The following ANXA8 variants were observed in gnomAD, a reference collection of about 807,000 sequenced individuals.
The protein encoded by ANXA8 is VAC-beta.
A neutral mutation model predicts 26.8 loss-of-function variants in ANXA8; 9 were observed. That is an observed-to-expected ratio of 0.34 (90% confidence interval 0.20 to 0.59). The LOEUF (loss-of-function observed/expected upper bound fraction) is 0.59, where lower values mean the gene tolerates loss of function less well. Among genes scored for constraint, ANXA8 ranks in the 20% least tolerant of loss-of-function variants. The pLI, the probability that ANXA8 is intolerant of heterozygous loss-of-function variation, is 0.84. For missense variants in ANXA8, 83 were observed against 238.5 expected, an observed-to-expected ratio of 0.35 and a Z score of 4.29; for synonymous variants, 39 against 94.8, an observed-to-expected ratio of 0.41 and a Z score of 3.42.
chr10:47,484,763 T>C, upstream of ANXA8: 1 of 661,452 alleles, frequency 1.5e-6, no homozygotes, highest in Non-Finnish European at 2.4e-6. Flanking sequence ...TCATATTGCT[T>C]TGTGGTGTTC....
the ANXA8 span, chr10:47,987,005 C>T: frequency 3.7e-6 from 2 of 542,150 alleles, no homozygotes; most frequent in South Asian, 1.6e-5. Context: ...CTGATGTGAA[C>T]ACAGCCCGGG....
At chr10:47,959,886 C>G in the ANXA8 span, among the ~76,000 whole-genome samples, 2 of 151,580 alleles carry the variant, frequency 1.3e-5, no homozygotes, top group Admixed American at 1.3e-4. Context: ...CACTTCCTGC[C>G]TTTCTGATCC....
chr10:47,533,365 C>G, the ANXA8 span, among the ~76,000 whole-genome samples: 299 of 150,856 alleles, frequency 2.0e-3, no homozygotes, highest in East Asian at 0.012. Flanking sequence ...ACTGTCTGAT[C>G]CTGGTCCAGT....
At chr10:47,590,578 T>G in the ANXA8 span, among the ~76,000 whole-genome samples, 1 of 146,418 alleles carries the variant, frequency 6.8e-6, no homozygotes, top group Non-Finnish European at 1.5e-5. Flanking sequence ...TAATTAAAAC[T>G]ATTAACAACA....
the ANXA8 span, among the ~76,000 whole-genome samples, chr10:47,513,043 TA>T: frequency 2.3e-5 from 3 of 132,990 alleles, 1 homozygote; most frequent in African/African-American, 9.4e-5. Context: ...ATCTTTTTTT[TA>T]TTTTTTGAGA....
the ANXA8 span, among the ~76,000 whole-genome samples, chr10:47,892,537 C>A: frequency 6.8e-6 from 1 of 147,272 alleles, no homozygotes; most frequent in Non-Finnish European, 1.5e-5. Flanking sequence ...CAGGCTTCTG[C>A]ATAGGTGAGT....
the ANXA8 span, among the ~76,000 whole-genome samples, chr10:47,618,565 T>C: frequency 1.7e-5 from 2 of 114,502 alleles, no homozygotes; most frequent in African/African-American, 6.8e-5. Context: ...TCTTGAACCA[T>C]ACATGTTTAT....
At chr10:47,610,721 A>T in the ANXA8 span, among the ~76,000 whole-genome samples, 1 of 150,390 alleles carries the variant, frequency 6.6e-6, no homozygotes, top group East Asian at 1.9e-4. Flanking sequence ...AAATAAATAA[A>T]TAACTTTTAT....
the ANXA8 span, among the ~76,000 whole-genome samples, chr10:47,932,734 C>CTT: frequency 2.2e-5 from 2 of 92,400 alleles, no homozygotes; most frequent in Non-Finnish European, 4.0e-5. Context: ...GTCTTTCTGT[C>CTT]TCTCTCTCTC....
chr10:47,511,037 G>T, the ANXA8 span, among the ~76,000 whole-genome samples: 2 of 126,050 alleles, frequency 1.6e-5, no homozygotes, highest in African/African-American at 6.4e-5. Flanking sequence ...TCCGCCTCCC[G>T]GGTTCACGCC....
chr10:47,686,225 CTTTT>C, the ANXA8 span, among the ~76,000 whole-genome samples: 44 of 122,922 alleles, frequency 3.6e-4, no homozygotes, highest in African/African-American at 1.3e-3. Context: ...GCTCCTATCA[CTTTT>C]TTTTTTTTTT....
chr10:47,644,731 AG>A, the ANXA8 span, among the ~76,000 whole-genome samples: 27 of 151,434 alleles, frequency 1.8e-4, no homozygotes, highest in African/African-American at 6.6e-4. Context: ...ACATCTATAT[AG>A]GTTTTTATTT....
chr10:47,598,885 T>C, the ANXA8 span, among the ~76,000 whole-genome samples: 1,344 of 135,638 alleles, frequency 9.9e-3, no homozygotes, highest in African/African-American at 0.034. Flanking sequence ...ATGCTTAATC[T>C]AAAATAAATA....
chr10:47,976,539 G>C, the ANXA8 span, among the ~76,000 whole-genome samples: 18,012 of 117,878 alleles, frequency 0.15, 1,018 homozygotes, highest in South Asian at 0.31. Context: ...GACAACCTCT[G>C]TCTTTACACA....
Position 47,484,065 on chromosome 10 carries a change from C to A in ANXA8, c.-132G>T. On this transcript the variant is annotated 5_prime_UTR_variant, in exon 1 of 12. Coordinates refer to ENST00000585281, the MANE Select transcript of ANXA8 (RefSeq NM_001040084.3). ...CTCACTTGGGTGTGGGGGTGCAAGC[C>A]CGCCCAGGGCAGCGCCACACCTGCC... 1 of 1,608,054 alleles carries A rather than the reference C, an allele frequency of 6.2e-7. No individual in the cohort carries two copies. Among genetic ancestry groups the A allele is most frequent in the Non-Finnish European group, 8.5e-7 (1 of 1,176,954 alleles).
chr10:47,502,525 A>G, the ANXA8 span: 1 of 1,613,014 alleles, frequency 6.2e-7, no homozygotes, highest in Non-Finnish European at 8.5e-7. Context: ...CTCATTGCCA[A>G]TAGATGACAT....
the ANXA8 span, among the ~76,000 whole-genome samples, chr10:47,676,735 T>G: frequency 6.6e-6 from 1 of 151,034 alleles, no homozygotes; most frequent in African/African-American, 2.5e-5. Context: ...CTGGCCAACA[T>G]GGTGAAACTG....
chr10:47,602,866 TTTGC>T, the ANXA8 span, among the ~76,000 whole-genome samples: 40 of 13,436 alleles, frequency 3.0e-3, no homozygotes, highest in Non-Finnish European at 3.3e-3. Context: ...TTGCTGTTTG[TTTGC>T]TTGCTTGCTT....
chr10:47,684,905 C>A, the ANXA8 span, among the ~76,000 whole-genome samples: 1 of 149,518 alleles, frequency 6.7e-6, no homozygotes, highest in African/African-American at 2.5e-5. Context: ...TTTTTTTAAG[C>A]TCATTAGCTA....
Sources: gnomAD v4.1 joint callset for allele counts (sites outside exome capture counted in the v4.1 genomes callset) on GRCh38, gnomAD v4.1.1 for gene constraint, MANE v1.5 for transcripts, NCBI Gene and HGNC (gene_info 2026-07-23, HGNC 2026-07-21) for gene names.